Variants in AGBL4 observed in about 807,000 individuals in gnomAD.
AGBL4 encodes the protein cytosolic carboxypeptidase 6.
AGBL4 carries 58 observed loss-of-function variants against 66.4 expected under a neutral mutation model. The ratio of observed to expected loss-of-function variants is 0.87; its 90% CI spans 0.71 to 1.09. The LOEUF is 1.09. Ranked by LOEUF, AGBL4 falls within the 50% of genes least tolerant of loss-of-function variation. The probability of loss-of-function intolerance (pLI) is 0.00; values close to 1 mark genes in which losing one functional copy is unlikely to be tolerated. For missense variants in AGBL4, 579 were observed against 631.0 expected, an observed-to-expected ratio of 0.92 and a Z score of 0.88; for synonymous variants, 234 against 222.9, an observed-to-expected ratio of 1.05 and a Z score of -0.44.
intron 4 of AGBL4, among the ~76,000 whole-genome samples, chr1:49,202,661 T>C (rs1202074594): frequency 6.6e-6 from 1 of 152,002 alleles, no homozygotes; most frequent in Non-Finnish European, 1.5e-5. Flanking sequence ...ATAAAACTCA[T>C]AGAAGAATCA....
intron 3 of AGBL4, among the ~76,000 whole-genome samples, chr1:49,463,797 T>C (rs1387521202): frequency 6.6e-6 from 1 of 151,734 alleles, no homozygotes; most frequent in Non-Finnish European, 1.5e-5. Context: ...AAAACCTCAT[T>C]TCAACTGAGT....
intron 1 of AGBL4, among the ~76,000 whole-genome samples, chr1:49,966,315 T>C (rs1657559596): frequency 6.6e-6 from 1 of 152,212 alleles, no homozygotes; most frequent in South Asian, 2.1e-4. Context: ...TATTGTTACA[T>C]AATTGTAATT....
At chr1:49,031,553 A>C (rs1255769732) in intron 5 of AGBL4, among the ~76,000 whole-genome samples, 1 of 152,156 alleles carries the variant, frequency 6.6e-6, no homozygotes, top group African/African-American at 2.4e-5. Flanking sequence ...CAATTCAATA[A>C]TAAAAACACA....
chr1:49,465,107 C>T (rs929180193), intron 3 of AGBL4, among the ~76,000 whole-genome samples: 8 of 151,630 alleles, frequency 5.3e-5, no homozygotes, highest in East Asian at 2.0e-4. Flanking sequence ...GAGGTACATA[C>T]ACTGTGGAGC....
chr1:49,298,933 T>A (rs560487663), intron 3 of AGBL4, among the ~76,000 whole-genome samples: 1 of 152,324 alleles, frequency 6.6e-6, no homozygotes, highest in East Asian at 1.9e-4. Flanking sequence ...TCTACTGAAC[T>A]GATCCTTCTT....
intron 3 of AGBL4, among the ~76,000 whole-genome samples, chr1:49,399,761 G>A (rs1183456825): frequency 1.3e-5 from 2 of 152,006 alleles, no homozygotes; most frequent in African/African-American, 4.8e-5. Flanking sequence ...CTTGTCAGAT[G>A]GGTAGTTGAA....
intron 8 of AGBL4, among the ~76,000 whole-genome samples, chr1:48,646,305 A>G (rs1485404660): frequency 6.6e-6 from 1 of 152,190 alleles, no homozygotes; most frequent in African/African-American, 2.4e-5. Context: ...CAGATCTCTC[A>G]ACAGGGCAAT....
chr1:48,719,099 C>G (rs576931060), intron 6 of AGBL4, among the ~76,000 whole-genome samples: 1 of 152,178 alleles, frequency 6.6e-6, no homozygotes, highest in Admixed American at 6.5e-5. Context: ...CCATGCTGTT[C>G]CCACAGTATT....
chr1:49,930,166 T>C (rs1377961445), intron 1 of AGBL4, among the ~76,000 whole-genome samples: 2 of 152,026 alleles, frequency 1.3e-5, no homozygotes, highest in African/African-American at 2.4e-5. Flanking sequence ...TAAAGGTTAA[T>C]AAGGAAACAT....
At position 48,875,405 on chromosome 1, in the gene AGBL4, C is replaced by CAG. The variant is rs1465860311; in HGVS notation, c.595-8177_595-8176dup. Reference sequence around the variant, plus strand: ...ATAAAAAATGCTTTAGCATGTTACTCAGAGAGAGAGTAGATAAGCGTGGAC... The same window carrying CAG: ...ATAAAAAATGCTTTAGCATGTTACTCAGAGAGAGAGAGTAGATAAGCGTGGAC... On this transcript the variant is annotated intron_variant, in intron 5 of 13. Coordinates refer to ENST00000371839, the MANE Select transcript of AGBL4 (RefSeq NM_032785.4). Among the ~76,000 whole-genome samples the CAG allele has an allele frequency of 2.0e-5, 3 of 152,084 alleles. No homozygotes were observed. In the East Asian group the frequency reaches 5.8e-4, roughly 29 times the overall value.
chr1:49,621,952 AC>A (rs1645369169), intron 3 of AGBL4, among the ~76,000 whole-genome samples: 1 of 152,182 alleles, frequency 6.6e-6, no homozygotes, highest in Non-Finnish European at 1.5e-5. Context: ...TCCATCTGTC[AC>A]ATTCTCATCA....
chr1:49,896,072 C>T (rs1010049773), intron 1 of AGBL4, among the ~76,000 whole-genome samples: 4 of 151,738 alleles, frequency 2.6e-5, no homozygotes, highest in African/African-American at 9.7e-5. Flanking sequence ...CAAAATAGAG[C>T]AGGAGTAGGT....
intron 2 of AGBL4, among the ~76,000 whole-genome samples, chr1:49,730,331 C>T (rs774747411): frequency 4.6e-5 from 7 of 152,148 alleles, no homozygotes; most frequent in Non-Finnish European, 7.4e-5. Context: ...GCCAGCTCAC[C>T]GAGCTGCGGA....
At chr1:48,530,624 C>T (rs1159610560), downstream of AGBL4, among the ~76,000 whole-genome samples, 2 of 152,144 alleles carry the variant, frequency 1.3e-5, no homozygotes, top group African/African-American at 4.8e-5. Flanking sequence ...GGCTTAGCAA[C>T]GAAGAAACTG....
intron 1 of AGBL4, among the ~76,000 whole-genome samples, chr1:49,905,948 A>AC (rs1650231017): frequency 6.6e-6 from 1 of 152,056 alleles, no homozygotes; most frequent in Non-Finnish European, 1.5e-5. Context: ...CTCCCTTAGT[A>AC]TGAGTATGAT....
At chr1:49,312,713 CA>C (rs1396373726) in intron 3 of AGBL4, among the ~76,000 whole-genome samples, 2 of 151,864 alleles carry the variant, frequency 1.3e-5, no homozygotes, top group African/African-American at 4.8e-5. Context: ...CAAAAAAACA[CA>C]CAAAAAGATA....
intron 3 of AGBL4, among the ~76,000 whole-genome samples, chr1:49,302,596 T>C (rs1402243958): frequency 7.8e-6 from 1 of 127,530 alleles, no homozygotes; most frequent in Non-Finnish European, 1.8e-5. Context: ...TTATTTTATA[T>C]TTTATTTTAT....
chr1:49,110,166 A>T (rs568358222), intron 4 of AGBL4, among the ~76,000 whole-genome samples: 103 of 152,268 alleles, frequency 6.8e-4, no homozygotes, highest in African/African-American at 2.4e-3. Context: ...TTCAATGTCC[A>T]CATTTATAAT....
chr1:48,762,611 G>GTTTT lies in AGBL4; in HGVS notation c.635-99374_635-99371dup. Among the ~76,000 whole-genome samples the GTTTT allele has an allele frequency of 3.3e-5, 3 of 89,758 alleles. No homozygotes were observed. In the South Asian group the frequency reaches 1.4e-3, roughly 43 times the overall value. The allele number at this position is 89,758 out of a possible 152,430, so 58.9% of individuals were successfully genotyped here. On this transcript the variant is annotated intron_variant, in intron 6 of 13. Coordinates refer to ENST00000371839, the MANE Select transcript of AGBL4 (RefSeq NM_032785.4). Reference sequence around the variant, plus strand: ...AGTTAGTTAAATCCAGTCTTTAAGGGTTTTGTGTGTGTGTGTGTGTGTGTG... The same window carrying GTTTT: ...AGTTAGTTAAATCCAGTCTTTAAGGGTTTTTTTTGTGTGTGTGTGTGTGTGTGTG...
Sources: gnomAD v4.1 joint callset for allele counts (sites outside exome capture counted in the v4.1 genomes callset) on GRCh38, gnomAD v4.1.1 for gene constraint, MANE v1.5 for transcripts, NCBI Gene and HGNC (gene_info 2026-07-23, HGNC 2026-07-21) for gene names.